ATP2C1: variants seen among roughly 807,000 people sequenced by gnomAD.
The protein encoded by ATP2C1 is ATPase secretory pathway Ca2+ transporting 1, also known as calcium-transporting ATPase type 2C member 1.
Under a neutral mutation model 120.5 loss-of-function variants are expected in ATP2C1, and 31 were observed. That is an observed-to-expected ratio of 0.26 (90% confidence interval 0.19 to 0.35). The LOEUF (loss-of-function observed/expected upper bound fraction) is 0.35. ATP2C1 is among the 10% of genes least tolerant of loss of function. The probability of loss-of-function intolerance (pLI) is 1.00; values close to 1 mark genes in which losing one functional copy is unlikely to be tolerated. For synonymous variants in ATP2C1, 351 were observed against 358.7 expected, an observed-to-expected ratio of 0.98 and a Z score of 0.24; for missense variants, 731 against 1,107.5, an observed-to-expected ratio of 0.66 and a Z score of 4.83.
At chr3:130,997,457 G>A in intron 24 of ATP2C1, 149 bp from the exon 25 acceptor site, 1 of 691,904 alleles carries the variant, frequency 1.4e-6, no homozygotes, top group Non-Finnish European at 2.4e-6. Context: ...GGTTATTTTT[G>A]CGTAATCAGC....
intron 1 of ATP2C1, among the ~76,000 whole-genome samples, chr3:130,865,172 G>T (rs555899143): frequency 9.1e-4 from 139 of 152,304 alleles, no homozygotes; most frequent in Non-Finnish European, 1.8e-3. Flanking sequence ...GGAGTCAAAG[G>T]AGATCATTCT....
At chr3:130,982,762 T>A (rs1001541653) in intron 20 of ATP2C1, among the ~76,000 whole-genome samples, 1 of 152,168 alleles carries the variant, frequency 6.6e-6, no homozygotes, top group South Asian at 2.1e-4. Context: ...TGTCTATACT[T>A]TTTTGATTAG....
At chr3:131,006,887 C>T (rs1291609125), downstream of ATP2C1, among the ~76,000 whole-genome samples, 1 of 151,998 alleles carries the variant, frequency 6.6e-6, no homozygotes, top group Non-Finnish European at 1.5e-5. Context: ...AGGCTGGTCT[C>T]AAACTCCTGG....
intron 27 of ATP2C1, among the ~76,000 whole-genome samples, 179 bp from the exon 28 acceptor site, chr3:131,001,041 T>A (rs2062859849): frequency 7.3e-6 from 1 of 137,618 alleles, no homozygotes; most frequent in Non-Finnish European, 1.5e-5. Flanking sequence ...AGGCGGAGGT[T>A]GCAGTGAGCT....
At chr3:130,915,674 T>C (rs1273842319) in intron 2 of ATP2C1, among the ~76,000 whole-genome samples, 2 of 152,046 alleles carry the variant, frequency 1.3e-5, no homozygotes, top group African/African-American at 2.4e-5. Context: ...CGGTTCAGGG[T>C]TGTCGCAAGC....
chr3:130,894,542 C>G lies in ATP2C1; in HGVS notation c.-180-48C>G. The G allele has an allele frequency of 2.9e-6, 4 of 1,401,392 alleles. No homozygotes were observed. In the South Asian group the frequency reaches 4.7e-5, roughly 17 times the overall value. The allele number at this position is 1,401,392 out of a possible 1,614,324, so 86.8% of individuals were successfully genotyped here. On this transcript the variant is annotated intron_variant, in intron 1 of 27. Coordinates refer to ENST00000510168, the MANE Select transcript of ATP2C1 (RefSeq NM_001378687.1). This position sits in a 1 kb window ranked among gnomAD's most constrained non-coding sequence, Gnocchi z 4.5. ...CGAGATAGTGGCTGGGCGGGGAACT[C>G]CTTCCTCAGCCTCTCGTCAGCGCCG...
rs76030218 is a variant in ATP2C1 at position 130,952,896 on chromosome 3, A to T, written c.532-925A>T. On this transcript the variant is annotated intron_variant, in intron 8 of 27. Transcript: ENST00000510168. ...AGCAAAGGACTCTTAACTTCTAACA[A>T]GTTCTGAGGTAGTGGATGTGATGCT... Among the ~76,000 whole-genome samples the T allele has an allele frequency of 4.6e-3, 699 of 152,258 alleles. 4 individuals are homozygous for T. The highest frequency in any genetic ancestry group is 0.015 in the African/African-American group (634 of 41,544).
At chr3:130,928,262 G>A (rs937163835) in intron 2 of ATP2C1, 6 of 152,306 alleles carry the variant, frequency 3.9e-5, no homozygotes, top group Non-Finnish European at 7.3e-5. Flanking sequence ...TGCAGGTGTG[G>A]TTGCAGCTGG....
rs2058742971 is a variant in ATP2C1 at position 130,917,578 on chromosome 3, C to G, written c.7-12838C>G. Among the ~76,000 whole-genome samples the G allele has an allele frequency of 2.0e-5, 3 of 152,122 alleles. No homozygotes were observed. The South Asian group carries it at 6.2e-4, about 31-fold the overall frequency. On this transcript the variant is annotated intron_variant, in intron 2 of 27. Transcript: ENST00000510168. ...ATGTAAAACTTTTGCTTTTATTTTA[C>G]CTCGACATTTAAAAACACTAGTAAA...
chr3:130,992,375 C>T (rs1266531717), intron 20 of ATP2C1, among the ~76,000 whole-genome samples: 3 of 152,018 alleles, frequency 2.0e-5, no homozygotes, highest in South Asian at 2.1e-4. Flanking sequence ...CACAGTGAAA[C>T]GATTTTAGAT....
At chr3:130,880,941 A>AG (rs2068761254) in intron 1 of ATP2C1, among the ~76,000 whole-genome samples, 1 of 152,222 alleles carries the variant, frequency 6.6e-6, no homozygotes, top group African/African-American at 2.4e-5. Flanking sequence ...CTGGAAGGAC[A>AG]GGGGACAAGT....
chr3:130,985,040 C>T (rs2061936532), intron 20 of ATP2C1, among the ~76,000 whole-genome samples: 1 of 152,188 alleles, frequency 6.6e-6, no homozygotes, highest in African/African-American at 2.4e-5. Context: ...CACTTTATAA[C>T]TGTGGGTCAT....
chr3:130,984,943 T>A (rs544307271), intron 20 of ATP2C1, among the ~76,000 whole-genome samples: 2 of 152,314 alleles, frequency 1.3e-5, no homozygotes, highest in East Asian at 3.9e-4. Context: ...AGGACTGTTA[T>A]GAGCATATGA....
intron 1 of ATP2C1, among the ~76,000 whole-genome samples, chr3:130,854,936 A>G (rs2067789203): frequency 6.6e-6 from 1 of 152,178 alleles, no homozygotes; most frequent in Admixed American, 6.5e-5. Context: ...AATGTGTCCA[A>G]AGAGAATTCC....
intron 2 of ATP2C1, among the ~76,000 whole-genome samples, chr3:130,917,438 A>AT (rs1489252529): frequency 6.6e-6 from 1 of 152,134 alleles, no homozygotes; most frequent in Non-Finnish European, 1.5e-5. Flanking sequence ...AAGACTTTAG[A>AT]TTTTGTTGTG....
intron 17 of ATP2C1, among the ~76,000 whole-genome samples, chr3:130,971,876 A>G (rs1420612390): frequency 1.3e-5 from 2 of 152,306 alleles, no homozygotes; most frequent in East Asian, 3.9e-4. Flanking sequence ...GTCCTGAAGG[A>G]TAAAGCCCTA....
At chr3:130,975,015 A>G (rs1249351641) in intron 17 of ATP2C1, among the ~76,000 whole-genome samples, 1 of 152,200 alleles carries the variant, frequency 6.6e-6, no homozygotes, top group East Asian at 1.9e-4. Context: ...AACTTGAACC[A>G]TTGTGAGCTG....
chr3:130,855,328 C>A (rs757494341), intron 1 of ATP2C1, among the ~76,000 whole-genome samples: 1 of 152,154 alleles, frequency 6.6e-6, no homozygotes, highest in Non-Finnish European at 1.5e-5. Context: ...AAGCATAAAT[C>A]TGGCACATAG....
At chr3:130,970,124 C>G (rs2061231837) in intron 17 of ATP2C1, among the ~76,000 whole-genome samples, 1 of 152,128 alleles carries the variant, frequency 6.6e-6, no homozygotes, top group African/African-American at 2.4e-5. Context: ...TTGAGACCAG[C>G]CTGACCAATA....
Sources: gnomAD v4.1 joint callset for allele counts (sites outside exome capture counted in the v4.1 genomes callset) on GRCh38, gnomAD v4.1.1 for gene constraint, Gnocchi (gnomAD v3.1) non-coding constraint, MANE v1.5 for transcripts, NCBI Gene and HGNC (gene_info 2026-07-23, HGNC 2026-07-21) for gene names.